PSME4: variants seen among roughly 807,000 people sequenced by gnomAD.
PSME4 encodes the protein proteasome activator subunit 4.
A neutral mutation model predicts 253.9 loss-of-function variants in PSME4; 89 were observed. The observed-to-expected ratio is 0.35, with a 90% CI of 0.30 to 0.42. The LOEUF (loss-of-function observed/expected upper bound fraction) is 0.42. PSME4 is among the 10% of genes least tolerant of loss of function. The pLI, the probability that PSME4 is intolerant of heterozygous loss-of-function variation, is 1.00. For missense variants in PSME4, 2,014 were observed against 2,195.2 expected (o/e 0.92, Z 1.65); for synonymous variants, 851 against 759.2 (o/e 1.12, Z -1.99).
At chr2:53,910,794 A>G (rs1667796013) in intron 20 of PSME4, among the ~76,000 whole-genome samples, 1 of 152,240 alleles carries the variant, frequency 6.6e-6, no homozygotes, top group South Asian at 2.1e-4. Flanking sequence ...ATGAGAATTG[A>G]CATATCTGAA....
chr2:53,903,971 G>C, intron 27 of PSME4, 54 bp downstream of exon 27: 8 of 1,452,284 alleles, frequency 5.5e-6, no homozygotes, highest in Non-Finnish European at 7.5e-6. Context: ...AATTTTTTCA[G>C]CTTTTCAGTA....
At chr2:53,897,682 C>T (rs1680204541) in intron 31 of PSME4, among the ~76,000 whole-genome samples, 188 bp downstream of exon 31, 1 of 152,176 alleles carries the variant, frequency 6.6e-6, no homozygotes, top group African/African-American at 2.4e-5. Context: ...GTCTTTTAAA[C>T]AGAGTGCCTA....
chr2:53,874,324 T>C lies in PSME4; in HGVS notation c.5100+15A>G. ...AAATTGACTGAATTTCCGTTTTCTA[T>C]AACTTAAATTTTACCTCCAGTTGTT... is the stretch of plus-strand genomic sequence containing the variant. On this transcript the variant is annotated intron_variant, in intron 43 of 46. Coordinates refer to ENST00000404125, the MANE Select transcript of PSME4 (RefSeq NM_014614.3). 6.2e-7 allele frequency: 1 copy of C among 1,600,556 alleles called. No homozygotes were observed. Among genetic ancestry groups the C allele is most frequent in the Non-Finnish European group, 8.5e-7 (1 of 1,175,696 alleles).
At position 53,908,419 on chromosome 2, in the gene PSME4, CTG is replaced by C; in HGVS notation, c.2686-3_2686-2del. The C allele has an allele frequency of 6.2e-7, 1 of 1,612,892 alleles. No homozygotes were observed. The highest frequency in any genetic ancestry group is 1.1e-5 in the South Asian group (1 of 90,922). ...GGAATTGTAAAAGGTCTCCAATAATCTGTGTCAAAGAATTTCAAATTGTATTT... is the reference window on the plus strand; with the variant it reads ...GGAATTGTAAAAGGTCTCCAATAATCTGTCAAAGAATTTCAAATTGTATTT... On this transcript the variant is annotated splice_acceptor_variant and splice_polypyrimidine_tract_variant and intron_variant, in intron 23 of 46. Coordinates refer to ENST00000404125, the MANE Select transcript of PSME4 (RefSeq NM_014614.3). LOFTEE classifies it high-confidence loss of function.
rs1182262026 is a variant in PSME4, at chr2:53,899,854, T to C, written c.3422+27A>G. 2.5e-6 allele frequency: 4 copies of C among 1,608,084 alleles called. No homozygotes were observed. In the African/African-American group the frequency reaches 4.0e-5, roughly 16 times the overall value. ...AAAACTTACTATCTATAATGTCATCTATTGAAGTACACCATTCATCAATTA... is the reference window on the plus strand; with the variant it reads ...AAAACTTACTATCTATAATGTCATCCATTGAAGTACACCATTCATCAATTA... On this transcript the variant is annotated intron_variant, in intron 29 of 46. Coordinates refer to ENST00000404125, the MANE Select transcript of PSME4 (RefSeq NM_014614.3).
intron 36 of PSME4, among the ~76,000 whole-genome samples, chr2:53,890,605 C>A (rs1016998629): frequency 2.6e-5 from 4 of 152,160 alleles, no homozygotes; most frequent in Non-Finnish European, 5.9e-5. Flanking sequence ...GCATGCCTGG[C>A]CCTAATTATT....
intron 36 of PSME4, 105 bp downstream of exon 36, chr2:53,892,703 A>T (rs952817249): frequency 4.7e-6 from 5 of 1,061,192 alleles, no homozygotes; most frequent in Non-Finnish European, 6.7e-6. Flanking sequence ...ATATCACTGA[A>T]GATTTCATAT....
chr2:53,940,952 C>CATATATATATAT (rs1169212491), intron 3 of PSME4, among the ~76,000 whole-genome samples: 1 of 24,014 alleles, frequency 4.2e-5, no homozygotes, highest in Non-Finnish European at 7.2e-5. Flanking sequence ...TATATATATA[C>CATATATATATAT]ATATATATAT....
rs532776988 is a variant in PSME4 at position 53,881,795 on chromosome 2, G to T, written c.4815+3895C>A. On this transcript the variant is annotated intron_variant, in intron 41 of 46. Coordinates refer to ENST00000404125, the MANE Select transcript of PSME4 (RefSeq NM_014614.3). ...GATGGGGTTTCACCATGTGGTTCAG[G>T]CTGGTCTCAAACTCCCGATCTCAAG... 1.4e-4 allele frequency among the ~76,000 whole-genome samples: 22 copies of T among 152,172 alleles called. No homozygotes were observed. The East Asian group carries it at 4.1e-3, about 28-fold the overall frequency.
Position 53,928,147 on chromosome 2 carries a change from C to T in PSME4, c.1473G>A (p.Gly491=), listed in dbSNP as rs941942716. ...MLPLLMRALP[G]VDPNDFSKCM... The stretch of plus-strand genomic sequence containing the variant: ...ATTTACTAAAGTCATTTGGATCCAC[C>T]CCAGGCAATGCTCTCATCAACAGAG... The change falls in exon 11 of 47, where the codon GGG becomes GGA. Residue 491 remains glycine (G), a synonymous_variant. Coordinates refer to ENST00000404125, the MANE Select transcript of PSME4 (RefSeq NM_014614.3). 6.2e-7 allele frequency: 1 copy of T among 1,613,792 alleles called. No individual in the cohort carries two copies. The highest frequency in any genetic ancestry group is 8.5e-7 in the Non-Finnish European group (1 of 1,179,914).
chr2:53,950,621 T>G (rs1042924620), intron 1 of PSME4, among the ~76,000 whole-genome samples: 1 of 151,878 alleles, frequency 6.6e-6, no homozygotes, highest in African/African-American at 2.4e-5. Context: ...GTGGGTGGAT[T>G]ACCTGAGGTC....
intron 1 of PSME4, 91 bp from the exon 2 acceptor site, chr2:53,949,374 G>T: frequency 1.4e-6 from 1 of 731,912 alleles, no homozygotes; most frequent in Non-Finnish European, 2.0e-6. Context: ...CCAAGATGTA[G>T]ATGCAACCTG....
intron 14 of PSME4, 84 bp downstream of exon 14, chr2:53,925,455 T>C (rs767591073): frequency 1.1e-5 from 13 of 1,226,028 alleles, no homozygotes; most frequent in African/African-American, 3.0e-5. Context: ...CTGCATGATA[T>C]ACACAAAGTA....
rs1669167596 is a variant in PSME4 at position 53,937,246 on chromosome 2, T to C, written c.695+145A>G. The C allele has an allele frequency of 5.2e-6, 4 of 765,338 alleles. No individual in the cohort carries two copies. In the South Asian group the frequency reaches 9.2e-5, roughly 18 times the overall value. 47.4% of individuals were successfully genotyped at this position (765,338 alleles called of 1,614,324 possible). A position where few individuals can be genotyped will look rare whatever the true frequency, so the allele number is the denominator to read the frequency against. ...TTCAATCTTACAACCGTTTTAGCCT[T>C]AACACACTTCAAGTATAATAAACTT... On this transcript the variant is annotated intron_variant, in intron 5 of 46. Coordinates refer to ENST00000404125, the MANE Select transcript of PSME4 (RefSeq NM_014614.3).
In PSME4 at chr2:53,932,644, A is replaced by G. The variant is rs368081036; in HGVS notation, c.1050+24T>C. 8.3e-6 allele frequency: 13 copies of G among 1,565,910 alleles called. No individual in the cohort carries two copies. The African/African-American group carries it at 1.4e-4, about 16-fold the overall frequency. The stretch of plus-strand genomic sequence containing the variant: ...CATATCTTTAAAAATTCCAAGCCCT[A>G]TAATGCAAAACGAAGTTACTCACCA... On this transcript the variant is annotated intron_variant, in intron 9 of 46. Coordinates refer to ENST00000404125, the MANE Select transcript of PSME4 (RefSeq NM_014614.3).
chr2:53,903,495 G>T lies in PSME4; in HGVS notation c.3075+530C>A, dbSNP rs146934746. On this transcript the variant is annotated intron_variant, in intron 27 of 46. Coordinates refer to ENST00000404125, the MANE Select transcript of PSME4 (RefSeq NM_014614.3). ...CTTTATTACATCCCCATAGGATGTA[G>T]TATTTGCCTTATCCTGTATAATTTC... 8.1e-3 allele frequency among the ~76,000 whole-genome samples: 1,226 copies of T among 152,192 alleles called. 20 individuals carry two copies. Among genetic ancestry groups the T allele is most frequent in the African/African-American group, 0.028 (1,158 of 41,512 alleles).
intron 14 of PSME4, among the ~76,000 whole-genome samples, 176 bp from the exon 15 acceptor site, chr2:53,923,595 C>T (rs545143541): frequency 7.9e-5 from 12 of 152,216 alleles, no homozygotes; most frequent in Admixed American, 7.2e-4. Context: ...GGTCTAAGAA[C>T]AATCTTTGCC....
At chr2:53,929,476 G>A (rs1225733736) in intron 10 of PSME4, among the ~76,000 whole-genome samples, 1 of 151,834 alleles carries the variant, frequency 6.6e-6, no homozygotes, top group Non-Finnish European at 1.5e-5. Context: ...TATTTTTTTT[G>A]TAGTGACAGA....
At chr2:53,935,444 C>A (rs1329061931) in intron 7 of PSME4, among the ~76,000 whole-genome samples, 1 of 152,098 alleles carries the variant, frequency 6.6e-6, no homozygotes, top group African/African-American at 2.4e-5. Flanking sequence ...ACCAGGATAT[C>A]CCCCACAAGC....
Sources: gnomAD v4.1 joint callset for allele counts (sites outside exome capture counted in the v4.1 genomes callset) on GRCh38, gnomAD v4.1.1 for gene constraint, MANE v1.5 for transcripts, NCBI Gene and HGNC (gene_info 2026-07-23, HGNC 2026-07-21) for gene names.